The following SORBS2 variants were observed in gnomAD, a reference collection of about 807,000 sequenced individuals.
The protein encoded by SORBS2 is sorbin and SH3 domain-containing protein 2.
SORBS2 carries 46 observed loss-of-function variants against 97.7 expected under a neutral mutation model. That is an observed-to-expected ratio of 0.47 (90% CI 0.37 to 0.60). The LOEUF (loss-of-function observed/expected upper bound fraction) is 0.60, where lower values mean the gene tolerates loss of function less well. SORBS2 is among the 20% of genes least tolerant of loss of function. The pLI is 0.00. For synonymous variants in SORBS2, 476 were observed against 473.4 expected (o/e 1.01, Z -0.07); for missense variants, 1,316 against 1,282.3 (o/e 1.03, Z -0.40).
chr4:185,620,063 C>T (rs1353385317), exon 8 of SORBS2: 2 of 1,584,744 alleles, frequency 1.3e-6, no homozygotes, highest in Admixed American at 1.7e-5. Flanking sequence ...AATTAACTAC[C>T]TCTTTTTCTG....
At chr4:185,934,884 C>T (rs1178049728) in intron 1 of SORBS2, among the ~76,000 whole-genome samples, 2 of 152,128 alleles carry the variant, frequency 1.3e-5, no homozygotes, top group East Asian at 1.9e-4. Context: ...TGTTCTGTGG[C>T]CCCCTCTGTG....
chr4:185,635,233 A>C, intron 4 of SORBS2, 122 bp downstream of exon 16: 1 of 692,134 alleles, frequency 1.4e-6, no homozygotes, highest in Non-Finnish European at 2.5e-6. Flanking sequence ...AATGATGCAA[A>C]GATAGATATT....
intron 5 of SORBS2, among the ~76,000 whole-genome samples, chr4:185,629,802 CT>C (rs1465101035): frequency 6.6e-6 from 1 of 151,938 alleles, no homozygotes; most frequent in African/African-American, 2.4e-5. Context: ...ACCTCATGAT[CT>C]TCCCCCCTCA....
At chr4:185,789,132 T>C (rs759721603) in intron 1 of SORBS2, among the ~76,000 whole-genome samples, 15 of 152,218 alleles carry the variant, frequency 9.9e-5, no homozygotes, top group Non-Finnish European at 2.1e-4. Context: ...GTCATCTTTG[T>C]TTGGGATGTT....
intron 4 of SORBS2, among the ~76,000 whole-genome samples, chr4:185,636,161 C>T (rs566420720): frequency 2.0e-5 from 3 of 151,862 alleles, no homozygotes; most frequent in African/African-American, 7.2e-5. Flanking sequence ...GCCTGGCCGT[C>T]CCTATAAACT....
chr4:185,875,602 G>T (rs924525613), intron 1 of SORBS2, among the ~76,000 whole-genome samples: 1 of 152,182 alleles, frequency 6.6e-6, no homozygotes, highest in Non-Finnish European at 1.5e-5. Context: ...AATTTTCTCT[G>T]TTAAAGTTTC....
At chr4:185,611,614 C>G (rs764024272) in intron 12 of SORBS2, among the ~76,000 whole-genome samples, 166 bp downstream of exon 24, 1 of 152,180 alleles carries the variant, frequency 6.6e-6, no homozygotes, top group Admixed American at 6.5e-5. Context: ...TTGAGAAACA[C>G]TGACTTATAT....
chr4:185,952,930 AG>A (rs2099277879), intron 1 of SORBS2, among the ~76,000 whole-genome samples: 1 of 152,220 alleles, frequency 6.6e-6, no homozygotes, highest in South Asian at 2.1e-4. Flanking sequence ...ATTCCCATTA[AG>A]GTTACAGCCT....
At chr4:185,652,718 C>G in exon 2 of SORBS2, 1 of 1,613,894 alleles carries the variant, frequency 6.2e-7, no homozygotes, top group Non-Finnish European at 8.5e-7. Context: ...GTCCTTGGGC[C>G]GGTCGACTGT....
chr4:185,647,932 G>A (rs904664738), intron 3 of SORBS2, among the ~76,000 whole-genome samples: 4 of 152,028 alleles, frequency 2.6e-5, no homozygotes, highest in African/African-American at 7.2e-5. Context: ...AAATCAAAAC[G>A]TTAATTTTGG....
intron 1 of SORBS2, among the ~76,000 whole-genome samples, chr4:185,908,299 AT>A (rs2099252515): frequency 2.0e-5 from 2 of 100,194 alleles, no homozygotes; most frequent in Admixed American, 9.8e-5. Context: ...ATATATATAT[AT>A]ATATATATAT....
chr4:185,740,733 T>TAACTCAGCCCAGCACC (rs2098718228), intron 2 of SORBS2, among the ~76,000 whole-genome samples: 1 of 147,092 alleles, frequency 6.8e-6, no homozygotes, highest in Non-Finnish European at 1.5e-5. Context: ...AGCCCAACAC[T>TAACTCAGCCCAGCACC]AACTCAGCCC....
chr4:185,951,418 C>T (rs1417590861), intron 1 of SORBS2, among the ~76,000 whole-genome samples: 3 of 152,206 alleles, frequency 2.0e-5, no homozygotes, highest in African/African-American at 7.2e-5. Context: ...CCGGGTACTG[C>T]TGCCCTGTCA....
intron 1 of SORBS2, among the ~76,000 whole-genome samples, chr4:185,785,429 T>C (rs1323023907): frequency 6.6e-6 from 1 of 152,184 alleles, no homozygotes; most frequent in Non-Finnish European, 1.5e-5. Context: ...ATGGAAGAAA[T>C]GAATATAAAT....
chr4:185,700,722 T>A (rs2153531703), intron 2 of SORBS2, among the ~76,000 whole-genome samples: 1 of 152,124 alleles, frequency 6.6e-6, no homozygotes, highest in East Asian at 1.9e-4. Context: ...AAATAAGGGG[T>A]TTAAGACTTC....
chr4:185,861,249 T>C (rs1254350667), intron 1 of SORBS2, among the ~76,000 whole-genome samples: 1 of 150,254 alleles, frequency 6.7e-6, no homozygotes. Context: ...AACGAATGTT[T>C]TCAGGTTTCT....
chr4:185,758,642 T>C (rs1313810716), intron 2 of SORBS2, among the ~76,000 whole-genome samples: 1 of 152,136 alleles, frequency 6.6e-6, no homozygotes, highest in Non-Finnish European at 1.5e-5. Context: ...GCTTCCTAAT[T>C]AGTCTCCAGC....
intron 2 of SORBS2, among the ~76,000 whole-genome samples, chr4:185,765,613 A>G (rs2098929987): frequency 6.6e-6 from 1 of 152,226 alleles, no homozygotes; most frequent in Non-Finnish European, 1.5e-5. Flanking sequence ...TAAGAGGTGG[A>G]TCTCACCATG....
chr4:185,741,916 C>T (rs2098729758), intron 2 of SORBS2, among the ~76,000 whole-genome samples: 1 of 152,130 alleles, frequency 6.6e-6, no homozygotes, highest in Non-Finnish European at 1.5e-5. Flanking sequence ...ACTCACTGAC[C>T]CTGACCTGTG....
Sources: allele counts gnomAD v4.1 joint callset (sites outside exome capture counted in the v4.1 genomes callset), GRCh38; gene constraint gnomAD v4.1.1; transcripts MANE v1.5; gene names NCBI Gene and HGNC (gene_info 2026-07-23, HGNC 2026-07-21).